The following ITGBL1 variants were observed in gnomAD, a reference collection of about 807,000 sequenced individuals.
ITGBL1 encodes integrin subunit beta like 1.
In ITGBL1, 51 loss-of-function variants were observed where a neutral mutation model predicts 68.5. That is an observed-to-expected ratio of 0.74 (90% CI 0.59 to 0.94). ITGBL1 has a LOEUF of 0.94. Ranked by LOEUF, ITGBL1 falls within the 40% of genes least tolerant of loss-of-function variation. ITGBL1 has a pLI of 0.00. For synonymous variants in ITGBL1, 209 were observed against 227.3 expected (o/e 0.92, Z 0.72); for missense variants, 649 against 647.4 (o/e 1.00, Z -0.03).
rs145673525 is a variant in ITGBL1 at position 101,602,740 on chromosome 13, C to T, written c.1015+4441C>T. Among the ~76,000 whole-genome samples the T allele has an allele frequency of 2.0e-5, 3 of 152,028 alleles. No homozygotes were observed. In the East Asian group the frequency reaches 5.8e-4, roughly 29 times the overall value. On this transcript the variant is annotated intron_variant, in intron 7 of 10. Transcript: ENST00000376180. ...AGCAGCCACTCCCCATTCTCTTGTC[C>T]CAGAACCCCTGGAAACCACCAATCT...
At chr13:101,603,646 A>G (rs944507526) in intron 7 of ITGBL1, among the ~76,000 whole-genome samples, 38 of 150,690 alleles carry the variant, frequency 2.5e-4, no homozygotes, top group African/African-American at 7.5e-4. Context: ...GGGCCCAGAC[A>G]TGTAAAAAAA....
chr13:101,621,596 A>G (rs960928784), intron 7 of ITGBL1, among the ~76,000 whole-genome samples: 1 of 151,980 alleles, frequency 6.6e-6, no homozygotes, highest in African/African-American at 2.4e-5. Flanking sequence ...AGGTTCCCAC[A>G]CTCTAGAATT....
intron 2 of ITGBL1, among the ~76,000 whole-genome samples, chr13:101,458,859 G>C (rs762535307): frequency 1.3e-5 from 2 of 152,122 alleles, no homozygotes; most frequent in Non-Finnish European, 2.9e-5. Flanking sequence ...AGGCCCGACC[G>C]TATGGTGCCC....
At chr13:101,509,776 TA>T (rs2049085848) in intron 2 of ITGBL1, among the ~76,000 whole-genome samples, 1 of 152,124 alleles carries the variant, frequency 6.6e-6, no homozygotes, top group African/African-American at 2.4e-5. Flanking sequence ...AGTTTTAACC[TA>T]TCAAATAAAG....
chr13:101,632,151 A>G (rs9554811), intron 7 of ITGBL1, among the ~76,000 whole-genome samples: 1 of 135,232 alleles, frequency 7.4e-6, no homozygotes, highest in Non-Finnish European at 1.5e-5. Context: ...CTCTCTCTCT[A>G]TATATATATA....
intron 2 of ITGBL1, among the ~76,000 whole-genome samples, chr13:101,501,483 G>A (rs1365638540): frequency 1.3e-5 from 2 of 152,094 alleles, no homozygotes; most frequent in Admixed American, 6.6e-5. Flanking sequence ...CTTTCCTTTC[G>A]AGAATGCAGC....
intron 7 of ITGBL1, among the ~76,000 whole-genome samples, chr13:101,653,345 A>T (rs1281958441): frequency 6.6e-6 from 1 of 152,142 alleles, no homozygotes; most frequent in Admixed American, 6.5e-5. Flanking sequence ...TCAGGTGAAT[A>T]TTGGGATATC....
intron 2 of ITGBL1, among the ~76,000 whole-genome samples, chr13:101,529,958 A>C (rs1319453937): frequency 6.6e-6 from 1 of 152,154 alleles, no homozygotes; most frequent in Non-Finnish European, 1.5e-5. Flanking sequence ...TTGTGAGCCC[A>C]CAATTTTCTA....
At chr13:101,716,709 T>A (rs959922949), downstream of ITGBL1, 1 of 150,606 alleles carries the variant, frequency 6.6e-6, no homozygotes, top group African/African-American at 2.4e-5. Flanking sequence ...CCTTACTTAC[T>A]GGAAACCTGG....
intron 2 of ITGBL1, among the ~76,000 whole-genome samples, chr13:101,481,091 T>TATATATAC (rs2048615963): frequency 7.5e-6 from 1 of 133,918 alleles, no homozygotes; most frequent in Non-Finnish European, 1.6e-5. Flanking sequence ...CACACATATA[T>TATATATAC]ATACACACAC....
intron 7 of ITGBL1, among the ~76,000 whole-genome samples, chr13:101,615,186 T>C (rs941551133): frequency 1.3e-5 from 2 of 152,080 alleles, no homozygotes; most frequent in African/African-American, 4.8e-5. Context: ...ATGGCTATCT[T>C]ACCTGCCTCT....
chr13:101,708,955 G>A (rs2034325988), intron 9 of ITGBL1, among the ~76,000 whole-genome samples: 1 of 152,190 alleles, frequency 6.6e-6, no homozygotes, highest in Non-Finnish European at 1.5e-5. Context: ...GTTCTCAGGG[G>A]GCTTCAGCCC....
intron 6 of ITGBL1, among the ~76,000 whole-genome samples, chr13:101,591,880 G>A (rs1371622818): frequency 1.3e-5 from 2 of 152,136 alleles, no homozygotes; most frequent in East Asian, 1.9e-4. Flanking sequence ...ATTATGGAAA[G>A]CTCAGTTGAA....
At chr13:101,475,562 C>G (rs9554785) in intron 2 of ITGBL1, among the ~76,000 whole-genome samples, 21,371 of 152,044 alleles carry the variant, frequency 0.14, 2,033 homozygotes, top group East Asian at 0.43. Context: ...TGTCAATACT[C>G]AGGTACAAGA....
At chr13:101,598,078 C>T in intron 6 of ITGBL1, 75 bp from the exon 7 acceptor site, 1 of 1,313,268 alleles carries the variant, frequency 7.6e-7, no homozygotes, top group Non-Finnish European at 1.0e-6. Context: ...GTGACATTTG[C>T]TGTTAGAATG....
intron 2 of ITGBL1, among the ~76,000 whole-genome samples, chr13:101,561,858 T>C (rs2050105938): frequency 6.6e-6 from 1 of 151,412 alleles, no homozygotes; most frequent in Non-Finnish European, 1.5e-5. Flanking sequence ...AATGTGATAC[T>C]TGACAAACTT....
At chr13:101,585,843 G>A (rs544053135) in intron 6 of ITGBL1, among the ~76,000 whole-genome samples, 1 of 152,284 alleles carries the variant, frequency 6.6e-6, no homozygotes, top group African/African-American at 2.4e-5. Context: ...TGTGTGACTT[G>A]CTGATATGGA....
intron 2 of ITGBL1, among the ~76,000 whole-genome samples, chr13:101,508,246 T>G (rs967612565): frequency 6.6e-6 from 1 of 152,158 alleles, no homozygotes; most frequent in African/African-American, 2.4e-5. Flanking sequence ...TACCTAACAT[T>G]TTGCCAGGGC....
chr13:101,506,207 T>C (rs1215220286), intron 2 of ITGBL1, among the ~76,000 whole-genome samples: 2 of 152,186 alleles, frequency 1.3e-5, no homozygotes, highest in African/African-American at 2.4e-5. Flanking sequence ...TCCTGATGTG[T>C]TGGATTTTGG....
Sources: gnomAD v4.1 joint callset for allele counts (sites outside exome capture counted in the v4.1 genomes callset) on GRCh38, gnomAD v4.1.1 for gene constraint, MANE v1.5 for transcripts, NCBI Gene and HGNC (gene_info 2026-07-23, HGNC 2026-07-21) for gene names.